Variants in CABYR observed in about 807,000 individuals in gnomAD.
CABYR encodes the protein calcium-binding tyrosine phosphorylation-regulated protein.
In CABYR, 31 loss-of-function variants were observed where a neutral mutation model predicts 36.1. That is an observed-to-expected ratio of 0.86 (90% CI 0.64 to 1.16). CABYR has a LOEUF of 1.16. Among genes scored for constraint, CABYR ranks in the 50% most tolerant of loss-of-function variants. CABYR has a pLI of 0.00. For synonymous variants in CABYR, 146 were observed against 160.7 expected (o/e 0.91, Z 0.69); for missense variants, 429 against 455.8 (o/e 0.94, Z 0.53).
chr18:24,156,809 T>TG (rs2085802334), intron 4 of CABYR: 3 of 1,614,066 alleles, frequency 1.9e-6, no homozygotes, highest in East Asian at 4.5e-5. Flanking sequence ...AGGAGGAGTC[T>TG]GGGGAAAACT....
intron 1 of CABYR, among the ~76,000 whole-genome samples, chr18:24,140,572 CTCTT>C (rs746577007): frequency 1.1e-4 from 16 of 152,222 alleles, no homozygotes; most frequent in African/African-American, 1.9e-4. Context: ...TCCAGTTATA[CTCTT>C]TCTGTTATTT....
At chr18:24,140,001 CT>C (rs1294656518) in intron 1 of CABYR, 3 of 150,960 alleles carry the variant, frequency 2.0e-5, no homozygotes, top group Non-Finnish European at 4.4e-5. Flanking sequence ...GCGATCTCGG[CT>C]GTCAGCTCCG....
intron 4 of CABYR, among the ~76,000 whole-genome samples, chr18:24,157,480 TG>T (rs912566909): frequency 6.6e-5 from 10 of 152,214 alleles, no homozygotes; most frequent in Admixed American, 2.6e-4. Flanking sequence ...AGGAGAGCTC[TG>T]TAACCAGGTT....
chr18:24,141,998 C>A (rs1357133936), intron 1 of CABYR, among the ~76,000 whole-genome samples: 2 of 152,020 alleles, frequency 1.3e-5, no homozygotes, highest in African/African-American at 4.8e-5. Flanking sequence ...GCTGAAAAAA[C>A]CCCAAAATTT....
At chr18:24,159,105 A>C (rs1303343430) in intron 4 of CABYR, among the ~76,000 whole-genome samples, 1 of 152,244 alleles carries the variant, frequency 6.6e-6, no homozygotes, top group African/African-American at 2.4e-5. Flanking sequence ...TTAATGGCTT[A>C]ACACACTCTT....
chr18:24,150,468 TATA>T (rs2085591968), intron 3 of CABYR: 1 of 372,326 alleles, frequency 2.7e-6, no homozygotes, highest in South Asian at 1.1e-4. Context: ...TACATTGTCA[TATA>T]ATCAATCATC....
chr18:24,155,646 C>A (rs74725347), intron 3 of CABYR, 55 bp from the exon 4 acceptor site: 4 of 1,312,168 alleles, frequency 3.0e-6, no homozygotes, highest in Non-Finnish European at 1.1e-6. Flanking sequence ...AAAATCTTTT[C>A]TTCTCTAAAA....
Position 24,156,452 on chromosome 18 carries a change from TA to T in CABYR, c.541+411del, listed in dbSNP as rs1275169981. On this transcript the variant is annotated intron_variant, in intron 4 of 5. Coordinates refer to ENST00000399496, the MANE Select transcript of CABYR (RefSeq NM_153769.3). ...TCGAGCAACTGCCAGAACAAATAGT[TA>T]TCCCTTTTACTGATCAAGTTGCTTG... is the stretch of plus-strand genomic sequence containing the variant. 3.8e-5 allele frequency: 62 copies of T among 1,614,202 alleles called. No individual in the cohort carries two copies. The Middle Eastern group carries it at 6.1e-3, about 159-fold the overall frequency.
chr18:24,153,804 G>T (rs575010769), intron 3 of CABYR, among the ~76,000 whole-genome samples: 1 of 151,998 alleles, frequency 6.6e-6, no homozygotes, highest in Non-Finnish European at 1.5e-5. Flanking sequence ...CCAAGGTCAG[G>T]CTTAAATAAG....
At chr18:24,145,425 A>G (rs2085435545) in intron 3 of CABYR, among the ~76,000 whole-genome samples, 1 of 152,198 alleles carries the variant, frequency 6.6e-6, no homozygotes. Context: ...TCCTGAGGAC[A>G]CTTTCAAATT....
chr18:24,156,428 C>A (rs773479077), intron 4 of CABYR: 1 of 1,614,092 alleles, frequency 6.2e-7, no homozygotes, highest in South Asian at 1.1e-5. Flanking sequence ...TTGTTTATAT[C>A]GAGCAACTGC....
intron 3 of CABYR, among the ~76,000 whole-genome samples, chr18:24,150,289 G>C (rs373935068): frequency 7.9e-5 from 12 of 152,226 alleles, no homozygotes; most frequent in East Asian, 3.8e-4. Context: ...GATTACCTAG[G>C]ATAGGCTGAA....
Position 24,159,513 on chromosome 18 carries a change from A to G in CABYR, c.583A>G (p.Asn195Asp). 6.2e-7 allele frequency: 1 copy of G among 1,614,110 alleles called. No homozygotes were observed. The highest frequency in any genetic ancestry group is 8.5e-7 in the Non-Finnish European group (1 of 1,180,016). ...ACGAGGACAACCACCACCATGTTCT[A>G]ACATGTGGACCCTTTATTGTCTAAC... The part of the protein sequence containing the change: ...SERGQPPPCS[N>D]MWTLYCLTDK... The change falls in exon 5 of 6, where the codon AAC becomes GAC. Residue 195 changes from asparagine to aspartate, a missense_variant. Transcript: ENST00000399496.
At chr18:24,156,728 C>G (rs1279750466) in intron 4 of CABYR, 1 of 1,614,056 alleles carries the variant, frequency 6.2e-7, no homozygotes, top group African/African-American at 1.3e-5. Flanking sequence ...AAGGTGCTAT[C>G]AAAATAGGCT....
chr18:24,158,340 C>T lies in CABYR; in HGVS notation c.542-1132C>T, dbSNP rs569750605. On this transcript the variant is annotated intron_variant, in intron 4 of 5. Transcript: ENST00000399496. ...TATTTCTTTTTTTTTTTTTTTGAGA[C>T]GGAGTTTTGCTCTTGTTGCCCAGGC... Among the ~76,000 whole-genome samples, 554 of 145,822 alleles carry T rather than the reference C, an allele frequency of 3.8e-3. 3 individuals carry two copies. The highest frequency in any genetic ancestry group is 0.014 in the African/African-American group (532 of 39,332).
intron 3 of CABYR, among the ~76,000 whole-genome samples, chr18:24,149,106 G>A (rs1027437267): frequency 1.3e-5 from 2 of 152,148 alleles, no homozygotes; most frequent in African/African-American, 2.4e-5. Context: ...AGATTAGATA[G>A]ATACAGAGTG....
At chr18:24,153,248 A>T (rs1265820853) in intron 3 of CABYR, among the ~76,000 whole-genome samples, 1 of 148,440 alleles carries the variant, frequency 6.7e-6, no homozygotes, top group Non-Finnish European at 1.5e-5. Context: ...TGGGCTTTGG[A>T]CACGGGGCTT....
intron 3 of CABYR, among the ~76,000 whole-genome samples, chr18:24,147,252 CA>C (rs5823414): frequency 1.6e-3 from 157 of 96,428 alleles, no homozygotes; most frequent in African/African-American, 5.9e-3. Flanking sequence ...AACCATGTCT[CA>C]AAAAAAAAAA....
intron 3 of CABYR, among the ~76,000 whole-genome samples, chr18:24,147,473 C>T (rs2085489118): frequency 6.6e-6 from 1 of 152,046 alleles, no homozygotes; most frequent in African/African-American, 2.4e-5. Flanking sequence ...TAATCAGTGC[C>T]ATAAGGCAAA....
Sources: allele counts gnomAD v4.1 joint callset (sites outside exome capture counted in the v4.1 genomes callset), GRCh38; gene constraint gnomAD v4.1.1; transcripts MANE v1.5; gene names NCBI Gene and HGNC (gene_info 2026-07-23, HGNC 2026-07-21).